PPP1R15A: variants seen among roughly 807,000 people sequenced by gnomAD.
PPP1R15A encodes growth arrest and DNA damage-inducible protein GADD34.
PPP1R15A carries 43 observed loss-of-function variants against 48.5 expected under a neutral mutation model. The observed-to-expected ratio is 0.89, with a 90% CI of 0.69 to 1.14. The LOEUF (loss-of-function observed/expected upper bound fraction) is 1.14, where lower values mean the gene tolerates loss of function less well. Among genes scored for constraint, PPP1R15A ranks in the 50% most tolerant of loss-of-function variants. The pLI is 0.00. For synonymous variants in PPP1R15A, 327 were observed against 327.4 expected, an observed-to-expected ratio of 1.00 and a Z score of 0.01; for missense variants, 868 against 847.2, an observed-to-expected ratio of 1.02 and a Z score of -0.30.
chr19:48,875,769 C>T lies in PPP1R15A; in HGVS notation c.1821C>T (p.Leu607=), dbSNP rs906297445. ...TQAQEELSPC[L]TPAARARAWA... is the part of the protein sequence containing the mutation. ...CCCAGGAGGAGCTGAGCCCCTGCCTCACCCCTGCTGCCCGGGCCAGAGCCT... is the reference window on the plus strand; with the variant it reads ...CCCAGGAGGAGCTGAGCCCCTGCCTTACCCCTGCTGCCCGGGCCAGAGCCT... Residue 607 remains leucine (L), a synonymous_variant, in exon 3 of 3, where the codon CTC becomes CTT. Coordinates refer to ENST00000200453, the MANE Select transcript of PPP1R15A (RefSeq NM_014330.5). The T allele has an allele frequency of 1.7e-5, 28 of 1,613,516 alleles. 1 individual carries two copies. Among genetic ancestry groups the T allele is most frequent in the Admixed American group, 5.0e-5 (3 of 59,982 alleles).
Position 48,875,648 on chromosome 19 carries a change from T to C in PPP1R15A, c.1700T>C (p.Leu567Pro), listed in dbSNP as rs760371750. ...RFSEKVTVHF[L>P]AVWAGPAQAA... ...TCCGAGAAGGTCACTGTCCATTTCC[T>C]GGCTGTCTGGGCAGGGCCGGCCCAG... The change falls in exon 3 of 3, where the codon CTG becomes CCG. Residue 567 changes from leucine (L) to proline (P), a missense_variant. Physicochemically the swap from Leu to Pro is moderately conservative, Grantham distance 98. Coordinates refer to ENST00000200453, the MANE Select transcript of PPP1R15A (RefSeq NM_014330.5). The C allele has an allele frequency of 5.6e-6, 9 of 1,607,206 alleles. No individual in the cohort carries two copies. In the African/African-American group the frequency reaches 9.4e-5, roughly 17 times the overall value.
Position 48,873,845 on chromosome 19 carries a change from C to T in PPP1R15A, c.612C>T (p.His204=). The change falls in exon 2 of 3, where the codon CAC becomes CAT. Residue 204 remains histidine (H), a synonymous_variant. Coordinates refer to ENST00000200453, the MANE Select transcript of PPP1R15A (RefSeq NM_014330.5). ...AAGAAGCTGTAAAGAAAGAAGCTCACAGAACCTCTACTTCTGCCTTGTCTC... is the reference window on the plus strand; with the variant it reads ...AAGAAGCTGTAAAGAAAGAAGCTCATAGAACCTCTACTTCTGCCTTGTCTC... ...DDEEAVKKEA[H]RTSTSALSPG... is the part of the protein sequence containing the mutation. 6.2e-7 allele frequency: 1 copy of T among 1,614,130 alleles called. No homozygotes were observed. Among genetic ancestry groups the T allele is most frequent in the Non-Finnish European group, 8.5e-7 (1 of 1,180,006 alleles).
Position 48,873,537 on chromosome 19 carries a change from A to G in PPP1R15A, c.304A>G (p.Ser102Gly). ...DRETLGLKTS[S>G]SLPEAWGLLD... ...AGAAACACTGGGGCTGAAAACCAGC[A>G]GTTCCCTTCCTGAAGCCTGGGGACT... The change falls in exon 2 of 3, where the codon AGT becomes GGT. Residue 102 changes from serine (S) to glycine (G), a missense_variant. Physicochemically the swap from Ser to Gly is moderately conservative, Grantham distance 56. Coordinates refer to ENST00000200453, the MANE Select transcript of PPP1R15A (RefSeq NM_014330.5). 1 of 1,614,198 alleles carries G rather than the reference A, an allele frequency of 6.2e-7. No homozygotes were observed. The highest frequency in any genetic ancestry group is 8.5e-7 in the Non-Finnish European group (1 of 1,180,030).
chr19:48,874,479 G>C lies in PPP1R15A; in HGVS notation c.1246G>C (p.Ala416Pro), dbSNP rs2037053572. ...AGGATCAGCCGAGGATGAAAGAGAA[G>C]CTGAGACTTCTGCTTCCACACCCCC... ...DTGSAEDERE[A>P]ETSASTPPAS... The change falls in exon 2 of 3, where the codon GCT becomes CCT. Residue 416 changes from alanine to proline, a missense_variant. By Grantham distance (27) the Ala-to-Pro change is conservative (BLOSUM62 -1). Transcript: ENST00000200453. 1 of 1,613,816 alleles carries C rather than the reference G, an allele frequency of 6.2e-7. No individual in the cohort carries two copies. Among genetic ancestry groups the C allele is most frequent in the Non-Finnish European group, 8.5e-7 (1 of 1,179,948 alleles).
chr19:48,873,637 C>A lies in PPP1R15A; in HGVS notation c.404C>A (p.Ala135Glu). Reference sequence around the variant, plus strand: ...CCTAGAGGGCAGGGAAGTCAATTTGCAGATGGCCAGCGTGCTCCCCTGTCT... The same window carrying A: ...CCTAGAGGGCAGGGAAGTCAATTTGAAGATGGCCAGCGTGCTCCCCTGTCT... Reference protein sequence around the residue: ...SVPRGQGSQFADGQRAPLSPS... With the variant: ...SVPRGQGSQFEDGQRAPLSPS... Residue 135 changes from alanine (A) to glutamate (E), a missense_variant, in exon 2 of 3, where the codon GCA (alanine) becomes GAA (glutamate). By Grantham distance (107) the Ala-to-Glu change is moderately radical (BLOSUM62 -1). Coordinates refer to ENST00000200453, the MANE Select transcript of PPP1R15A (RefSeq NM_014330.5). 6.2e-7 allele frequency: 1 copy of A among 1,614,126 alleles called. No individual in the cohort carries two copies. The highest frequency in any genetic ancestry group is 8.5e-7 in the Non-Finnish European group (1 of 1,179,994).
chr19:48,873,675 A>C lies in PPP1R15A; in HGVS notation c.442A>C (p.Ile148Leu). 1 of 1,614,168 alleles carries C rather than the reference A, an allele frequency of 6.2e-7. No homozygotes were observed. Among genetic ancestry groups the C allele is most frequent in the Non-Finnish European group, 8.5e-7 (1 of 1,180,022 alleles). Reference protein sequence around the residue: ...QRAPLSPSLLIRTLQGSDKNP... With the variant: ...QRAPLSPSLLLRTLQGSDKNP... The stretch of plus-strand genomic sequence containing the variant: ...TGCTCCCCTGTCTCCCAGCCTTCTG[A>C]TAAGGACACTGCAAGGTTCTGATAA... Residue 148 changes from isoleucine to leucine, a missense_variant, in exon 2 of 3, where the codon ATA becomes CTA. Transcript: ENST00000200453.
At position 48,875,929 on chromosome 19, in the gene PPP1R15A, GCTGCT is replaced by G. The variant is rs2037078553; in HGVS notation, c.1982_1986del (p.Ala661GlyfsTer23). On this transcript the variant is annotated frameshift_variant, in exon 3 of 3. Transcript: ENST00000200453. LOFTEE classifies it low-confidence loss of function (END_TRUNC). The stretch of plus-strand genomic sequence containing the variant: ...TGTGGCCACACCTTCCCGCTCGTCT[GCTGCT>G]GCAGCGGCTGCCCTGGACCTCAGTG... 6.2e-7 allele frequency: 1 copy of G among 1,608,868 alleles called. No individual in the cohort carries two copies.
In PPP1R15A at chr19:48,873,983, C is replaced by G. The variant is rs765710268; in HGVS notation, c.750C>G (p.Pro250=). 3 of 1,614,136 alleles carry G rather than the reference C, an allele frequency of 1.9e-6. No individual in the cohort carries two copies. The highest frequency in any genetic ancestry group is 2.2e-5 in the South Asian group (2 of 91,086). Residue 250 remains proline, a synonymous_variant, in exon 2 of 3, where the codon CCC becomes CCG. Transcript: ENST00000200453. The stretch of plus-strand genomic sequence containing the variant: ...GAGCCAGGAAGACCTCCGTGTCCCC[C>G]CGATCTTCAGGCTCCGACCCCAGGT... ...SKGARKTSVS[P]RSSGSDPRSW... is the part of the protein sequence containing the mutation.
At position 48,875,915 on chromosome 19, in the gene PPP1R15A, C is replaced by T. The variant is rs766823908; in HGVS notation, c.1967C>T (p.Pro656Leu). 1.2e-5 allele frequency: 20 copies of T among 1,613,000 alleles called. No individual in the cohort carries two copies. Among genetic ancestry groups the T allele is most frequent in the Non-Finnish European group, 1.6e-5 (19 of 1,179,274 alleles). The change falls in exon 3 of 3, where the codon CCT becomes CTT. Residue 656 changes from proline (P) to leucine (L), a missense_variant. By Grantham distance (98) the Pro-to-Leu change is moderately conservative. Coordinates refer to ENST00000200453, the MANE Select transcript of PPP1R15A (RefSeq NM_014330.5). ...CCCTTGAGCCAAGCTGTGGCCACAC[C>T]TTCCCGCTCGTCTGCTGCTGCAGCG... is the stretch of plus-strand genomic sequence containing the variant. ...TTPLSQAVATPSRSSAAAAAA... is the reference protein window; with the variant it reads ...TTPLSQAVATLSRSSAAAAAA...
rs760547767 is a variant in PPP1R15A, at chr19:48,874,620, G to A, written c.1387G>A (p.Glu463Lys). 2.5e-6 allele frequency: 4 copies of A among 1,613,848 alleles called. No homozygotes were observed. Among genetic ancestry groups the A allele is most frequent in the Non-Finnish European group, 3.4e-6 (4 of 1,179,832 alleles). ...AGATGATTCAGAAGCAGCCTTGGGAGAAGCTGAGTCAGACCCACATCCCTC... is the reference window on the plus strand; with the variant it reads ...AGATGATTCAGAAGCAGCCTTGGGAAAAGCTGAGTCAGACCCACATCCCTC... ...KEDDSEAALG[E>K]AESDPHPSHP... Residue 463 changes from glutamate to lysine, a missense_variant, in exon 2 of 3, where the codon GAA becomes AAA. Physicochemically the swap from Glu to Lys is moderately conservative, Grantham distance 56. Coordinates refer to ENST00000200453, the MANE Select transcript of PPP1R15A (RefSeq NM_014330.5).
intron 1 of PPP1R15A, 107 bp downstream of exon 1, chr19:48,872,758 C>G (rs1384433584): frequency 3.5e-6 from 1 of 287,024 alleles, no homozygotes; most frequent in Non-Finnish European, 7.1e-6. Context: ...GAGGAGGGAT[C>G]TGGAAGCCAG....
Position 48,873,863 on chromosome 19 carries a change from C to T in PPP1R15A, c.630C>T (p.Ala210=), listed in dbSNP as rs34899467. Reference sequence around the variant, plus strand: ...AAGCTCACAGAACCTCTACTTCTGCCTTGTCTCCAGGATCCAAGCCCAGCA... The same window carrying T: ...AAGCTCACAGAACCTCTACTTCTGCTTTGTCTCCAGGATCCAAGCCCAGCA... The part of the protein sequence containing the change: ...KKEAHRTSTS[A]LSPGSKPSTW... Residue 210 remains alanine (A), a synonymous_variant, in exon 2 of 3, where the codon GCC becomes GCT. Transcript: ENST00000200453. 3,998 of 1,614,170 alleles carry T rather than the reference C, an allele frequency of 2.5e-3. 76 individuals carry two copies. In the African/African-American group the frequency reaches 0.043, roughly 17 times the overall value.
rs146617539 is a variant in PPP1R15A at position 48,874,923 on chromosome 19, A to ATTTTT, written c.1665+37_1665+41dup. 7.9e-5 allele frequency: 108 copies of ATTTTT among 1,368,618 alleles called. 1 individual carries two copies. The highest frequency in any genetic ancestry group is 4.5e-4 in the African/African-American group (29 of 64,276). The allele number at this position is 1,368,618 out of a possible 1,614,324, so 84.8% of individuals were successfully genotyped here. A position where few individuals can be genotyped will look rare whatever the true frequency, so the allele number is the denominator to read the frequency against. ...GGTAGGTGCTGAGAGCCCAGATTCT[A>ATTTTT]TTTTTTTTTTTTTTTTAATTGAGTT... On this transcript the variant is annotated intron_variant, in intron 2 of 2. Transcript: ENST00000200453.
rs755358847 is a variant in PPP1R15A, at chr19:48,875,850, G to A, written c.1902G>A (p.Leu634=). The A allele has an allele frequency of 2.7e-5, 43 of 1,613,992 alleles. 3 individuals are homozygous for A. In the Middle Eastern group the frequency reaches 4.9e-4, roughly 19 times the overall value. ...CCATCCCTGCCCTCACCCAGACCTT[G>A]CCTTCCTCCTCTGTCCCTTCGTCCC... The part of the protein sequence containing the change: ...LAPIPALTQT[L]PSSSVPSSPV... The change falls in exon 3 of 3, where the codon TTG becomes TTA. Residue 634 remains leucine, a synonymous_variant. Coordinates refer to ENST00000200453, the MANE Select transcript of PPP1R15A (RefSeq NM_014330.5).
rs772092347 is a variant in PPP1R15A at position 48,874,660 on chromosome 19, G to A, written c.1427G>A (p.Arg476Lys). The change falls in exon 2 of 3, where the codon AGG (arginine) becomes AAG (lysine). Residue 476 changes from arginine (R) to lysine (K), a missense_variant. By Grantham distance (26) the Arg-to-Lys change is conservative. Coordinates refer to ENST00000200453, the MANE Select transcript of PPP1R15A (RefSeq NM_014330.5). ...CCACATCCCTCCCACCCGGACCAGAGGGCCCACTTCAGGGGCTGGGGATAT... is the reference window on the plus strand; with the variant it reads ...CCACATCCCTCCCACCCGGACCAGAAGGCCCACTTCAGGGGCTGGGGATAT... ...SDPHPSHPDQ[R>K]AHFRGWGYRP... 1.5e-5 allele frequency: 24 copies of A among 1,613,892 alleles called. No individual in the cohort carries two copies. Among genetic ancestry groups the A allele is most frequent in the Non-Finnish European group, 2.0e-5 (24 of 1,179,836 alleles).
chr19:48,872,945 C>T (rs1480462912), intron 1 of PPP1R15A, among the ~76,000 whole-genome samples: 1 of 151,956 alleles, frequency 6.6e-6, no homozygotes, highest in Admixed American at 6.6e-5. Context: ...GTTCTTGGTT[C>T]TTGGGACTGG....
intron 2 of PPP1R15A, 71 bp from the exon 3 acceptor site, chr19:48,875,543 T>A: frequency 6.7e-7 from 1 of 1,500,314 alleles, no homozygotes; most frequent in Non-Finnish European, 8.9e-7. Context: ...CTCTCTCTCT[T>A]CCCCGCCCTC....
In PPP1R15A at chr19:48,873,354, C is replaced by T. The variant is rs374067843; in HGVS notation, c.121C>T (p.Pro41Ser). Reference sequence around the variant, plus strand: ...CTGGAGCCGCCTGAGGGGCCTGGGACCTCTAGAGCCCTGGCTGGTGGAAGC... The same window carrying T: ...CTGGAGCCGCCTGAGGGGCCTGGGATCTCTAGAGCCCTGGCTGGTGGAAGC... ...RAWSRLRGLG[P>S]LEPWLVEAVK... is the part of the protein sequence containing the mutation. The change falls in exon 2 of 3, where the codon CCT (proline) becomes TCT (serine). Residue 41 changes from proline to serine, a missense_variant. Coordinates refer to ENST00000200453, the MANE Select transcript of PPP1R15A (RefSeq NM_014330.5). 1.9e-5 allele frequency: 31 copies of T among 1,613,522 alleles called. No homozygotes were observed. The highest frequency in any genetic ancestry group is 2.5e-5 in the Non-Finnish European group (30 of 1,179,888).
chr19:48,875,925 G>C lies in PPP1R15A; in HGVS notation c.1977G>C (p.Ser659=), dbSNP rs527. Residue 659 remains serine (S), a synonymous_variant, in exon 3 of 3, where the codon TCG becomes TCC. Transcript: ENST00000200453. The part of the protein sequence containing the change: ...LSQAVATPSR[S]SAAAAAALDL... ...AAGCTGTGGCCACACCTTCCCGCTC[G>C]TCTGCTGCTGCAGCGGCTGCCCTGG... 472,519 of 1,610,402 alleles carry C rather than the reference G, an allele frequency of 0.29. 72,906 individuals carry two copies. The highest frequency in any genetic ancestry group is 0.54 in the African/African-American group (40,312 of 74,924).
Sources: gnomAD v4.1 joint callset for allele counts (sites outside exome capture counted in the v4.1 genomes callset) on GRCh38, gnomAD v4.1.1 for gene constraint, MANE v1.5 for transcripts, NCBI Gene and HGNC (gene_info 2026-07-23, HGNC 2026-07-21) for gene names.